Variants in PNKP observed in about 807,000 individuals in gnomAD.
PNKP encodes the protein bifunctional polynucleotide phosphatase/kinase.
Under a neutral mutation model 66.2 loss-of-function variants are expected in PNKP, and 82 were observed. That is an observed-to-expected ratio of 1.24 (90% CI 1.04 to 1.49). PNKP has a LOEUF of 1.49. PNKP is among the 40% of genes most tolerant of loss of function. The pLI is 0.00. For missense variants in PNKP, 907 were observed against 706.8 expected, an observed-to-expected ratio of 1.28 and a Z score of -3.21; for synonymous variants, 412 against 298.9, an observed-to-expected ratio of 1.38 and a Z score of -3.90.
rs1060504641 is a variant in PNKP at position 49,861,834 on chromosome 19, G to C, written c.1236C>G (p.Ala412=). 1.1e-5 allele frequency: 18 copies of C among 1,591,860 alleles called. No homozygotes were observed. Among genetic ancestry groups the C allele is most frequent in the Non-Finnish European group, 1.4e-5 (16 of 1,171,824 alleles). ...TGGCGACCCGTTTCCCTTGCTTCAG[G>C]GCTGTCTCACACGTGGTCACACAGC... ...WQRCVTTCET[A]LKQGKRVAID... is the part of the protein sequence containing the mutation. The change falls in exon 14 of 17, where the codon GCC becomes GCG. Residue 412 remains alanine, a synonymous_variant. Transcript: ENST00000322344.
Position 49,863,707 on chromosome 19 carries a change from C to T in PNKP, c.798G>A (p.Trp266Ter). Residue 266 changes from tryptophan (W) to a stop codon, truncating the protein, a stop_gained, in exon 8 of 17, where the codon TGG (tryptophan) becomes TGA (stop). Coordinates refer to ENST00000322344, the MANE Select transcript of PNKP (RefSeq NM_007254.4). LOFTEE classifies it high-confidence loss of function. ...GACTCACCTGCTCCTGCAGATGGTCCCACATGCCCGTCACCGGCTTCCGGT... is the reference window on the plus strand; with the variant it reads ...GACTCACCTGCTCCTGCAGATGGTCTCACATGCCCGTCACCGGCTTCCGGT... ...GLYRKPVTGMWDHLQEQANDG... is the reference protein window; with the variant it reads ...GLYRKPVTGM 1 of 1,556,248 alleles carries T rather than the reference C, an allele frequency of 6.4e-7. No homozygotes were observed. The highest frequency in any genetic ancestry group is 8.7e-7 in the Non-Finnish European group (1 of 1,149,348).
chr19:49,865,320 A>G lies in PNKP; in HGVS notation c.305T>C (p.Leu102Pro). The change falls in exon 4 of 17, where the codon CTG becomes CCG. Residue 102 changes from leucine (L) to proline (P), a missense_variant. By Grantham distance (98) the Leu-to-Pro change is moderately conservative. Transcript: ENST00000322344. ...GCGGGTCTCTTCCCAGCGCAGGGTC[A>G]GTGGGTGGAGGCCATTGACCAAATA... ...TLYLVNGLHP[L>P]TLRWEETRTP... 1.2e-6 allele frequency: 2 copies of G among 1,614,172 alleles called. No individual in the cohort carries two copies. Among genetic ancestry groups the G allele is most frequent in the Non-Finnish European group, 1.7e-6 (2 of 1,180,020 alleles).
Position 49,865,327 on chromosome 19 carries a change from G to A in PNKP, c.298C>T (p.His100Tyr). 2 of 1,613,886 alleles carry A rather than the reference G, an allele frequency of 1.2e-6. No individual in the cohort carries two copies. Among genetic ancestry groups the A allele is most frequent in the African/African-American group, 1.3e-5 (1 of 75,036 alleles). The change falls in exon 4 of 17, where the codon CAC (histidine) becomes TAC (tyrosine). Residue 100 changes from histidine (H) to tyrosine (Y), a missense_variant. Physicochemically the swap from His to Tyr is moderately conservative, Grantham distance 83. Transcript: ENST00000322344. The part of the protein sequence containing the change: ...GDTLYLVNGL[H>Y]PLTLRWEETR... ...TCTTCCCAGCGCAGGGTCAGTGGGTGGAGGCCATTGACCAAATACAGTGTG... is the reference window on the plus strand; with the variant it reads ...TCTTCCCAGCGCAGGGTCAGTGGGTAGAGGCCATTGACCAAATACAGTGTG...
intron 2 of PNKP, 26 bp from the exon 3 acceptor site, chr19:49,866,471 G>T: frequency 6.2e-7 from 1 of 1,612,744 alleles, no homozygotes; most frequent in Non-Finnish European, 8.5e-7. Flanking sequence ...GTGGAGTCAG[G>T]ATTTGCATCC....
chr19:49,861,299 T>C lies in PNKP; in HGVS notation c.1515A>G (p.Leu505=), dbSNP rs369748873. The change falls in exon 17 of 17, where the codon CTA becomes CTG. Residue 505 remains leucine, a synonymous_variant. Coordinates refer to ENST00000322344, the MANE Select transcript of PNKP (RefSeq NM_007254.4). Reference sequence around the variant, plus strand: ...GCCGCCCCAGCCTCGGCTCCACCCATAGCCGGAACGGGATCTCCAGGATGG... The same window carrying C: ...GCCGCCCCAGCCTCGGCTCCACCCACAGCCGGAACGGGATCTCCAGGATGG... ...FSAILEIPFR[L]WVEPRLGRLY... 1.2e-5 allele frequency: 19 copies of C among 1,613,974 alleles called. No homozygotes were observed. The African/African-American group carries it at 2.1e-4, about 18-fold the overall frequency.
Position 49,863,692 on chromosome 19 carries a change from C to G in PNKP, c.813G>C (p.Glu271Asp), listed in dbSNP as rs2074797079. The G allele has an allele frequency of 6.4e-7, 1 of 1,553,420 alleles. No homozygotes were observed. Among genetic ancestry groups the G allele is most frequent in the Non-Finnish European group, 8.7e-7 (1 of 1,147,560 alleles). The change falls in exon 8 of 17, where the codon GAG becomes GAC. Residue 271 changes from glutamate (E) to aspartate (D), a missense_variant. Physicochemically the swap from Glu to Asp is conservative, Grantham distance 45. Transcript: ENST00000322344. Reference protein sequence around the residue: ...PVTGMWDHLQEQANDGTPISI... With the variant: ...PVTGMWDHLQDQANDGTPISI... The stretch of plus-strand genomic sequence containing the variant: ...CCGGGCAGGCTGCAAGACTCACCTG[C>G]TCCTGCAGATGGTCCCACATGCCCG...
intron 12 of PNKP, 26 bp downstream of exon 12, chr19:49,862,159 C>A (rs755614377): frequency 6.2e-7 from 1 of 1,613,566 alleles, no homozygotes; most frequent in African/African-American, 1.3e-5. Context: ...GGGCTCAGGG[C>A]ACGCGCACAG....
chr19:49,861,329 G>T lies in PNKP; in HGVS notation c.1485C>A (p.Phe495Leu). 6.2e-7 allele frequency: 1 copy of T among 1,614,208 alleles called. No individual in the cohort carries two copies. ...QFEAPTLAEG[F>L]SAILEIPFRL... ...GGAACGGGATCTCCAGGATGGCAGA[G>T]AAGCCTTCAGCCAGCGTTGGGGCCT... Residue 495 changes from phenylalanine (F) to leucine (L), a missense_variant, in exon 17 of 17, where the codon TTC (phenylalanine) becomes TTA (leucine). Transcript: ENST00000322344.
At chr19:49,867,239 T>A (rs1244347765) in intron 1 of PNKP, 22 bp from the exon 2 acceptor site, 17 of 1,589,066 alleles carry the variant, frequency 1.1e-5, no homozygotes, top group African/African-American at 1.3e-5. Flanking sequence ...GTAAACGGGC[T>A]TGAGCGGCGC....
chr19:49,867,561 C>G lies in PNKP; in HGVS notation c.-106G>C, dbSNP rs894384386. 26 of 221,794 alleles carry G rather than the reference C, an allele frequency of 1.2e-4. No homozygotes were observed. The highest frequency in any genetic ancestry group is 9.6e-4 in the African/African-American group (26 of 27,202). 13.7% of individuals were successfully genotyped at this position (221,794 alleles called of 1,614,324 possible). A position where few individuals can be genotyped will look rare whatever the true frequency, so the allele number is the denominator to read the frequency against. On this transcript the variant is annotated 5_prime_UTR_variant, in exon 1 of 17. Transcript: ENST00000322344. Reference sequence around the variant, plus strand: ...CAACCCGGCCGGCGGCGGTCGGTTCCTCGGCGGACGGAAATGACTCGTCCC... The same window carrying G: ...CAACCCGGCCGGCGGCGGTCGGTTCGTCGGCGGACGGAAATGACTCGTCCC...
Position 49,867,075 on chromosome 19 carries a change from G to A in PNKP, c.130C>T (p.Arg44Trp), listed in dbSNP as rs374921362. The A allele has an allele frequency of 1.2e-6, 2 of 1,613,926 alleles. No homozygotes were observed. Among genetic ancestry groups the A allele is most frequent in the African/African-American group, 2.7e-5 (2 of 75,036 alleles). Residue 44 changes from arginine (R) to tryptophan (W), a missense_variant, in exon 2 of 17, where the codon CGG (arginine) becomes TGG (tryptophan). Arg to Trp is a moderately radical substitution (Grantham distance 101). Coordinates refer to ENST00000322344, the MANE Select transcript of PNKP (RefSeq NM_007254.4). ...GRGPLTQVTD[R>W]KCSRTQVELV... Reference sequence around the variant, plus strand: ...TCACCTTGAGTTCTGGAGCACTTCCGGTCCGTAACCTGGGTCAGGGGTCCC... The same window carrying A: ...TCACCTTGAGTTCTGGAGCACTTCCAGTCCGTAACCTGGGTCAGGGGTCCC...
chr19:49,861,661 A>G lies in PNKP; in HGVS notation c.1333T>C (p.Cys445Arg). Reference protein sequence around the residue: ...VQCARAAGVPCRCFLFTATLE... With the variant: ...VQCARAAGVPRRCFLFTATLE... ...GTGGCGGTGAAGAGGAAGCAGCGGC[A>G]GGGGACGCCCGCGGCTCGGGCACAC... is the stretch of plus-strand genomic sequence containing the variant. Residue 445 changes from cysteine to arginine, a missense_variant, in exon 15 of 17, where the codon TGC (cysteine) becomes CGC (arginine). By Grantham distance (180) the Cys-to-Arg change is radical. Transcript: ENST00000322344. 6.4e-7 allele frequency: 1 copy of G among 1,550,422 alleles called. No homozygotes were observed. Among genetic ancestry groups the G allele is most frequent in the Non-Finnish European group, 8.7e-7 (1 of 1,147,088 alleles).
chr19:49,863,974 ACC>A lies in PNKP; in HGVS notation c.732_733del (p.Val245ProfsTer80). On this transcript the variant is annotated frameshift_variant, in exon 7 of 17. Transcript: ENST00000322344. LOFTEE classifies it high-confidence loss of function. ...CCCTTCCAGCCATACCTGGAAGGGGACCCCCAGCTTCTCCACCACAGCCTCCA... is the reference window on the plus strand; with the variant it reads ...CCCTTCCAGCCATACCTGGAAGGGGACCCAGCTTCTCCACCACAGCCTCCA... The A allele has an allele frequency of 6.2e-7, 1 of 1,612,316 alleles. No individual in the cohort carries two copies. The highest frequency in any genetic ancestry group is 8.5e-7 in the Non-Finnish European group (1 of 1,178,770).
chr19:49,862,619 C>A lies in PNKP; in HGVS notation c.866-11G>T. On this transcript the variant is annotated splice_polypyrimidine_tract_variant and intron_variant, in intron 9 of 16. Coordinates refer to ENST00000322344, the MANE Select transcript of PNKP (RefSeq NM_007254.4). Reference sequence around the variant, plus strand: ...GGCGTCCGGCTGCGTCTGGAACACACGGGACACCCCGTTCCCACCAGCTCG... The same window carrying A: ...GGCGTCCGGCTGCGTCTGGAACACAAGGGACACCCCGTTCCCACCAGCTCG... 1 of 1,613,904 alleles carries A rather than the reference C, an allele frequency of 6.2e-7. No homozygotes were observed. The highest frequency in any genetic ancestry group is 1.3e-5 in the African/African-American group (1 of 75,044).
rs553020095 is a variant in PNKP, at chr19:49,862,347, C to T, written c.1029+24G>A. 21 of 1,437,446 alleles carry T rather than the reference C, an allele frequency of 1.5e-5. No individual in the cohort carries two copies. In the East Asian group the frequency reaches 4.0e-4, roughly 27 times the overall value. The allele number at this position is 1,437,446 out of a possible 1,614,324, so 89.0% of individuals were successfully genotyped here. A position where few individuals can be genotyped will look rare whatever the true frequency, so the allele number is the denominator to read the frequency against. On this transcript the variant is annotated intron_variant, in intron 11 of 16. Transcript: ENST00000322344. ...CCCCGGGAGCCCTCCCATCCCCACC[C>T]CCACCCCCGCCCCAGGGCCTCACCG...
chr19:49,862,848 C>T (rs2074788895), intron 8 of PNKP, 110 bp from the exon 9 acceptor site: 2 of 1,192,872 alleles, frequency 1.7e-6, no homozygotes. Flanking sequence ...GAATCATCCC[C>T]CGACCTTTCA....
intron 6 of PNKP, 21 bp from the exon 7 acceptor site, chr19:49,864,092 C>T: frequency 6.2e-6 from 10 of 1,611,956 alleles, no homozygotes; most frequent in Non-Finnish European, 8.5e-6. Context: ...AAGGGTGTCA[C>T]CAGACGCTCT....
In PNKP at chr19:49,862,037, GTCATACCCTGT is replaced by G. The variant is rs751871245; in HGVS notation, c.1184_1188+6del. ...ATAGATTTGGGGCGGCAAAAGCCTG[GTCATACCCTGT>G]TCACGTGGACATATCCGGCCGACAC... On this transcript the variant is annotated splice_donor_variant and splice_donor_5th_base_variant and coding_sequence_variant and intron_variant, in exon 13 of 17. Coordinates refer to ENST00000322344, the MANE Select transcript of PNKP (RefSeq NM_007254.4). LOFTEE classifies it high-confidence loss of function. 1 of 1,613,978 alleles carries G rather than the reference GTCATACCCTGT, an allele frequency of 6.2e-7. No homozygotes were observed. Among genetic ancestry groups the G allele is most frequent in the African/African-American group, 1.3e-5 (1 of 75,044 alleles).
At position 49,861,475 on chromosome 19, in the gene PNKP, C is replaced by T. The variant is rs1017330396; in HGVS notation, c.1422G>A (p.Val474=). Residue 474 remains valine (V), a synonymous_variant, in exon 16 of 17, where the codon GTG becomes GTA. Coordinates refer to ENST00000322344, the MANE Select transcript of PNKP (RefSeq NM_007254.4). ...TGTAGCCATACATGACCATGTCTGA[C>T]ACGGGGATATGAGAGGAGTCCGTCA... ...REMTDSSHIP[V]SDMVMYGYRK... The T allele has an allele frequency of 1.4e-5, 22 of 1,613,330 alleles. No individual in the cohort carries two copies. In the East Asian group the frequency reaches 3.1e-4, roughly 23 times the overall value.
Sources: allele counts gnomAD v4.1 joint callset, GRCh38; gene constraint gnomAD v4.1.1; transcripts MANE v1.5; gene names NCBI Gene and HGNC (gene_info 2026-07-23, HGNC 2026-07-21).